HIP1: variants seen among roughly 807,000 people sequenced by gnomAD.
HIP1 encodes huntingtin interacting protein 1.
In HIP1, 65 loss-of-function variants were observed where a neutral mutation model predicts 147.6. The observed-to-expected ratio is 0.44, with a 90% CI of 0.36 to 0.54. HIP1 has a LOEUF of 0.54. Ranked by LOEUF, HIP1 falls within the 20% of genes least tolerant of loss-of-function variation. The pLI, the probability that HIP1 is intolerant of heterozygous loss-of-function variation, is 0.00. For missense variants in HIP1, 1,061 were observed against 1,299.6 expected (o/e 0.82, Z 2.82); for synonymous variants, 479 against 504.0 (o/e 0.95, Z 0.67).
intron 1 of HIP1, among the ~76,000 whole-genome samples, chr7:75,680,023 A>T (rs1554516630): frequency 6.6e-6 from 1 of 152,194 alleles, no homozygotes; most frequent in Non-Finnish European, 1.5e-5. Flanking sequence ...TCAAAATGCC[A>T]GCTTTTATTG....
intron 1 of HIP1, among the ~76,000 whole-genome samples, chr7:75,693,811 GAA>G (rs1439034854): frequency 6.6e-6 from 1 of 151,496 alleles, no homozygotes; most frequent in Non-Finnish European, 1.5e-5. Flanking sequence ...AAGAGAGAGA[GAA>G]AGAAAGAAAA....
chr7:75,577,427 A>C (rs1795886337), intron 7 of HIP1, among the ~76,000 whole-genome samples: 1 of 152,108 alleles, frequency 6.6e-6, no homozygotes, highest in Non-Finnish European at 1.5e-5. Context: ...TTTCAGCTAC[A>C]TGCTCTGGGA....
chr7:75,637,979 C>T (rs369409655), intron 1 of HIP1, among the ~76,000 whole-genome samples: 1 of 4,680 alleles, frequency 2.1e-4, no homozygotes, highest in Non-Finnish European at 6.1e-4. Flanking sequence ...AGACCCAGAC[C>T]CCCCCCCCCC....
At chr7:75,731,450 T>C (rs1584987132) in intron 1 of HIP1, among the ~76,000 whole-genome samples, 1 of 114,476 alleles carries the variant, frequency 8.7e-6, no homozygotes, top group Non-Finnish European at 1.7e-5. Flanking sequence ...GCCATTGCAC[T>C]CCAGCCTGGG....
chr7:75,588,737 G>A (rs781826031), intron 4 of HIP1, among the ~76,000 whole-genome samples: 3 of 152,066 alleles, frequency 2.0e-5, no homozygotes, highest in Non-Finnish European at 4.4e-5. Context: ...TCGCGCCACT[G>A]CACTCCAGCC....
At chr7:75,581,506 C>T (rs112567750) in intron 6 of HIP1, among the ~76,000 whole-genome samples, 92 of 152,266 alleles carry the variant, frequency 6.0e-4, no homozygotes, top group African/African-American at 2.1e-3. Flanking sequence ...AGGTCGGGGG[C>T]GGTGGCTCAC....
At chr7:75,607,051 G>A (rs1048412263) in intron 1 of HIP1, among the ~76,000 whole-genome samples, 14 of 151,636 alleles carry the variant, frequency 9.2e-5, no homozygotes, top group African/African-American at 1.9e-4. Context: ...GCAATAGAGC[G>A]AGACCCCATC....
At chr7:75,708,135 A>G (rs1259264055) in intron 1 of HIP1, among the ~76,000 whole-genome samples, 2 of 148,770 alleles carry the variant, frequency 1.3e-5, no homozygotes, top group Non-Finnish European at 2.9e-5. Context: ...CTGCACAGCA[A>G]AAGAAACTAC....
chr7:75,639,615 GTGCGTGTGCATGCA>G (rs1280912295), intron 1 of HIP1, among the ~76,000 whole-genome samples: 1 of 151,864 alleles, frequency 6.6e-6, no homozygotes, highest in Non-Finnish European at 1.5e-5. Context: ...GTGTGCAGGC[GTGCGTGTGCATGCA>G]TGCGTGTGTT....
chr7:75,592,134 C>A, intron 3 of HIP1, 22 bp from the exon 4 acceptor site: 2 of 1,607,834 alleles, frequency 1.2e-6, no homozygotes, highest in Non-Finnish European at 1.7e-6. Context: ...AAAGAACAGC[C>A]TGTGAGAGAA....
Position 75,568,749 on chromosome 7 carries a change from A to G in HIP1, c.746-493T>C, listed in dbSNP as rs1251103911. ...GAAGGCCAGGTGCAGTGGCTCACGC[A>G]TGTAATCCCAGCACTTTGGGAGGCT... On this transcript the variant is annotated intron_variant, in intron 8 of 30. Coordinates refer to ENST00000336926, the MANE Select transcript of HIP1 (RefSeq NM_005338.7). This position sits in a 1 kb window ranked among gnomAD's most constrained non-coding sequence, Gnocchi z 4.1. 6.6e-6 allele frequency among the ~76,000 whole-genome samples: 1 copy of G among 152,094 alleles called. No individual in the cohort carries two copies. The highest frequency in any genetic ancestry group is 2.4e-5 in the African/African-American group (1 of 41,430).
intron 1 of HIP1, among the ~76,000 whole-genome samples, chr7:75,605,238 T>C (rs950654743): frequency 3.2e-4 from 48 of 152,138 alleles, no homozygotes; most frequent in African/African-American, 1.1e-3. Context: ...GTGGAGGGGT[T>C]CGGGCCTGCA....
At chr7:75,703,177 A>G (rs1172980439) in intron 1 of HIP1, among the ~76,000 whole-genome samples, 1 of 152,042 alleles carries the variant, frequency 6.6e-6, no homozygotes, top group African/African-American at 2.4e-5. Context: ...GGCGAAACCC[A>G]TCTCTACTAA....
At chr7:75,628,900 A>G (rs1411188241) in intron 1 of HIP1, among the ~76,000 whole-genome samples, 2 of 152,148 alleles carry the variant, frequency 1.3e-5, no homozygotes, top group Non-Finnish European at 2.9e-5. Flanking sequence ...CTTCACATAT[A>G]CAGGGCAAAA....
At chr7:75,623,239 C>T (rs1178401380) in intron 1 of HIP1, among the ~76,000 whole-genome samples, 1 of 150,842 alleles carries the variant, frequency 6.6e-6, no homozygotes, top group East Asian at 1.9e-4. Context: ...AGGCTCTCCC[C>T]CTCTGATGGT....
intron 5 of HIP1, among the ~76,000 whole-genome samples, chr7:75,583,756 T>TGTGTG (rs1796144551): frequency 3.5e-4 from 41 of 115,518 alleles, no homozygotes; most frequent in African/African-American, 1.2e-3. Flanking sequence ...GCGGGCTAAT[T>TGTGTG]TGTGTGTGTG....
intron 5 of HIP1, among the ~76,000 whole-genome samples, chr7:75,585,517 T>TC (rs1318847037): frequency 4.6e-5 from 7 of 151,870 alleles, no homozygotes; most frequent in Non-Finnish European, 8.8e-5. Flanking sequence ...CCCCGCCTCC[T>TC]CATGACACCT....
At chr7:75,579,828 G>A (rs1432839080) in intron 7 of HIP1, among the ~76,000 whole-genome samples, 1 of 152,168 alleles carries the variant, frequency 6.6e-6, no homozygotes, top group Non-Finnish European at 1.5e-5. Flanking sequence ...AGGCCACGAG[G>A]CTTGGGCATG....
intron 1 of HIP1, among the ~76,000 whole-genome samples, chr7:75,677,466 C>T (rs571571454): frequency 3.3e-5 from 5 of 150,506 alleles, no homozygotes; most frequent in Middle Eastern, 3.4e-3. Context: ...ATTAGCTGGG[C>T]GTGGTGGCGG....
Sources: gnomAD v4.1 joint callset for allele counts (sites outside exome capture counted in the v4.1 genomes callset) on GRCh38, gnomAD v4.1.1 for gene constraint, Gnocchi (gnomAD v3.1) non-coding constraint, MANE v1.5 for transcripts, NCBI Gene and HGNC (gene_info 2026-07-23, HGNC 2026-07-21) for gene names.